The following TCTN1 variants were observed in gnomAD, a reference collection of about 807,000 sequenced individuals.
TCTN1 encodes the protein tectonic family member 1, also known as tectonic-1.
In TCTN1, 58 loss-of-function variants were observed where a neutral mutation model predicts 65.8. That is an observed-to-expected ratio of 0.88 (90% confidence interval 0.71 to 1.10). TCTN1 has a LOEUF of 1.10. Ranked by LOEUF, TCTN1 falls within the 50% of genes least tolerant of loss-of-function variation. The pLI is 0.00. For missense variants in TCTN1, 645 were observed against 719.4 expected (o/e 0.90, Z 1.18); for synonymous variants, 273 against 289.1 (o/e 0.94, Z 0.57).
chr12:110,640,267 C>T lies in TCTN1; in HGVS notation c.844-116C>T. On this transcript the variant is annotated intron_variant, in intron 7 of 14. Coordinates refer to ENST00000397659, the MANE Select transcript of TCTN1 (RefSeq NM_001082538.3). This position sits in a 1 kb window ranked among gnomAD's most constrained non-coding sequence, Gnocchi z 4.9. Reference sequence around the variant, plus strand: ...TCATAGTATATACACTGTTGTGTAGCATGCTTCCCCCTACTTGGCCATATA... The same window carrying T: ...TCATAGTATATACACTGTTGTGTAGTATGCTTCCCCCTACTTGGCCATATA... 8.3e-7 allele frequency: 1 copy of T among 1,207,598 alleles called. No individual in the cohort carries two copies. The highest frequency in any genetic ancestry group is 1.9e-5 in the Admixed American group (1 of 54,018). The allele number at this position is 1,207,598 out of a possible 1,614,324, so 74.8% of individuals were successfully genotyped here.
At chr12:110,636,345 C>A in intron 6 of TCTN1, 136 bp from the exon 7 acceptor site, 2 of 636,590 alleles carry the variant, frequency 3.1e-6, no homozygotes, top group Non-Finnish European at 5.6e-6. Context: ...GAGTCTTGAT[C>A]AAGGAAATTC....
At chr12:110,615,474 CT>C (rs570398318) in intron 1 of TCTN1, among the ~76,000 whole-genome samples, 1 of 152,044 alleles carries the variant, frequency 6.6e-6, no homozygotes, top group East Asian at 1.9e-4. Context: ...TACTTTTAAT[CT>C]TTTTTTATTC....
At chr12:110,632,983 C>T (rs567030193) in intron 5 of TCTN1, among the ~76,000 whole-genome samples, 2 of 152,286 alleles carry the variant, frequency 1.3e-5, no homozygotes, top group African/African-American at 2.4e-5. Context: ...TATGTGTTTT[C>T]CCTTAAATAC....
At chr12:110,624,517 G>A (rs1333311569) in intron 2 of TCTN1, among the ~76,000 whole-genome samples, 4 of 149,964 alleles carry the variant, frequency 2.7e-5, no homozygotes, top group Non-Finnish European at 5.9e-5. Context: ...GCCTGTATCT[G>A]TATCTATAGC....
At chr12:110,645,532 C>T (rs1053037835) in intron 12 of TCTN1, 2 of 300,866 alleles carry the variant, frequency 6.6e-6, no homozygotes, top group Non-Finnish European at 1.3e-5. Context: ...TCTCATGACA[C>T]GATAGACGAA....
At chr12:110,632,814 C>T (rs1364350582) in intron 5 of TCTN1, among the ~76,000 whole-genome samples, 1 of 152,130 alleles carries the variant, frequency 6.6e-6, no homozygotes, top group East Asian at 1.9e-4. Context: ...CTACCACATG[C>T]AGTCACTGCT....
At chr12:110,636,605 C>A in intron 7 of TCTN1, 104 bp downstream of exon 7, 1 of 716,134 alleles carries the variant, frequency 1.4e-6, no homozygotes, top group Non-Finnish European at 2.3e-6. Flanking sequence ...AGAAGGGGAC[C>A]TTGTTGCTAA....
At chr12:110,625,721 GGA>G (rs1382312827) in intron 2 of TCTN1, 1 of 150,718 alleles carries the variant, frequency 6.6e-6, no homozygotes, top group East Asian at 2.0e-4. Flanking sequence ...CTCCAGCCTG[GGA>G]GAGTGAGGCT....
intron 6 of TCTN1, 86 bp from the exon 7 acceptor site, chr12:110,636,395 C>T (rs187672948): frequency 2.2e-6 from 2 of 920,188 alleles, no homozygotes; most frequent in Non-Finnish European, 1.7e-6. Context: ...GATGAATATA[C>T]TCTTCAACTC....
chr12:110,628,240 T>G, intron 3 of TCTN1: 1 of 1,535,434 alleles, frequency 6.5e-7, no homozygotes. Flanking sequence ...TGCTACAAAC[T>G]ATTACTTCCC....
Position 110,644,916 on chromosome 12 carries a change from TG to T in TCTN1, c.1332-49del. The T allele has an allele frequency of 6.2e-7, 1 of 1,611,030 alleles. No homozygotes were observed. Reference sequence around the variant, plus strand: ...AAGGAAGAAGAAAATGAAAAACTGCTGGTGGATGAACAACAGCCTCATTCAG... The same window carrying T: ...AAGGAAGAAGAAAATGAAAAACTGCTGTGGATGAACAACAGCCTCATTCAG... On this transcript the variant is annotated intron_variant, in intron 11 of 14. Coordinates refer to ENST00000397659, the MANE Select transcript of TCTN1 (RefSeq NM_001082538.3). The surrounding 1 kb of genome is among the most constrained non-coding windows in gnomAD (Gnocchi z 4.6).
intron 10 of TCTN1, 138 bp from the exon 11 acceptor site, chr12:110,642,111 G>A: frequency 8.9e-7 from 1 of 1,123,538 alleles, no homozygotes; most frequent in Admixed American, 2.0e-5. Flanking sequence ...CCTGCTCCTG[G>A]GAAATAGCTG....
intron 12 of TCTN1, chr12:110,646,716 T>C (rs761752316): frequency 2.3e-5 from 5 of 219,592 alleles, no homozygotes; most frequent in Non-Finnish European, 4.6e-5. Context: ...ACATCTTAAT[T>C]GCCAATTGAT....
intron 7 of TCTN1, 73 bp downstream of exon 7, chr12:110,636,574 T>A: frequency 1.1e-6 from 1 of 934,132 alleles, no homozygotes; most frequent in Non-Finnish European, 1.6e-6. Flanking sequence ...TGAGCCCTTT[T>A]AAATGAATAC....
chr12:110,633,876 C>T (rs2066388221), intron 5 of TCTN1, among the ~76,000 whole-genome samples: 1 of 152,150 alleles, frequency 6.6e-6, no homozygotes, highest in East Asian at 1.9e-4. Context: ...CTCTTCAACC[C>T]AGCTGTTCTA....
chr12:110,614,423 C>A, intron 1 of TCTN1, 21 bp downstream of exon 1: 2 of 1,578,226 alleles, frequency 1.3e-6, no homozygotes, highest in Non-Finnish European at 1.7e-6. Flanking sequence ...TGTGCCAGCT[C>A]CTGGAGTCCA....
At position 110,639,797 on chromosome 12, in the gene TCTN1, C is replaced by G. The variant is rs981083325; in HGVS notation, c.844-586C>G. On this transcript the variant is annotated intron_variant, in intron 7 of 14. Coordinates refer to ENST00000397659, the MANE Select transcript of TCTN1 (RefSeq NM_001082538.3). This position sits in a 1 kb window ranked among gnomAD's most constrained non-coding sequence, Gnocchi z 4.9. ...ACATTTCCATCACCCCAAAAAGGAG[C>G]CTTGTGTTAGCAGTCACTCCTCATT... Among the ~76,000 whole-genome samples the G allele has an allele frequency of 6.6e-6, 1 of 152,150 alleles. No homozygotes were observed. The highest frequency in any genetic ancestry group is 1.5e-5 in the Non-Finnish European group (1 of 68,020).
chr12:110,623,782 G>T (rs1049412070), intron 2 of TCTN1, among the ~76,000 whole-genome samples: 1 of 151,908 alleles, frequency 6.6e-6, no homozygotes, highest in Non-Finnish European at 1.5e-5. Context: ...TGTAGAGATC[G>T]GGGTCTGTGT....
rs879241920 is a variant in TCTN1 at position 110,640,587 on chromosome 12, T to C, written c.978+70T>C. ...AAGCCTCTTGTTGCGCCGGGGTAAC[T>C]GGACGCCCTCCGAGGACGCTCTGTC... On this transcript the variant is annotated intron_variant, in intron 8 of 14. Transcript: ENST00000397659. The surrounding 1 kb of genome is among the most constrained non-coding windows in gnomAD (Gnocchi z 4.9). The C allele has an allele frequency of 1.1e-5, 17 of 1,609,498 alleles. 1 individual carries two copies. The South Asian group carries it at 1.9e-4, about 18-fold the overall frequency.
Sources: allele counts gnomAD v4.1 joint callset (sites outside exome capture counted in the v4.1 genomes callset), GRCh38; gene constraint gnomAD v4.1.1; non-coding constraint Gnocchi (gnomAD v3.1); transcripts MANE v1.5; gene names NCBI Gene and HGNC (gene_info 2026-07-23, HGNC 2026-07-21).